Variants in CCDC39 observed in about 807,000 individuals in gnomAD.
CCDC39 encodes the protein coiled-coil domain 39 molecular ruler complex subunit.
Under a neutral mutation model 121.0 loss-of-function variants are expected in CCDC39, and 113 were observed. The ratio of observed to expected loss-of-function variants is 0.93; its 90% confidence interval spans 0.80 to 1.09. The LOEUF (loss-of-function observed/expected upper bound fraction) is 1.09. Ranked by LOEUF, CCDC39 falls within the 50% of genes least tolerant of loss-of-function variation. The pLI, the probability that CCDC39 is intolerant of heterozygous loss-of-function variation, is 0.00. For synonymous variants in CCDC39, 349 were observed against 352.2 expected, an observed-to-expected ratio of 0.99 and a Z score of 0.10; for missense variants, 1,063 against 1,074.7, an observed-to-expected ratio of 0.99 and a Z score of 0.15.
chr3:180,660,189 A>C (rs2108429232), intron 4 of CCDC39, among the ~76,000 whole-genome samples: 1 of 152,246 alleles, frequency 6.6e-6, no homozygotes, highest in African/African-American at 2.4e-5. Context: ...AATCAGCAAA[A>C]ACTACATGTA....
At chr3:180,644,064 C>T (rs1718017372) in intron 12 of CCDC39, 56 bp downstream of exon 12, 2 of 1,316,256 alleles carry the variant, frequency 1.5e-6, no homozygotes, top group Non-Finnish European at 1.0e-6. Flanking sequence ...CATTTGTCTA[C>T]AATTAACATG....
At chr3:180,677,523 A>G (rs900238928) in intron 1 of CCDC39, among the ~76,000 whole-genome samples, 11 of 151,970 alleles carry the variant, frequency 7.2e-5, no homozygotes, top group African/African-American at 2.7e-4. Flanking sequence ...AGAGACATTC[A>G]GTAATCTATA....
rs955445312 is a variant in CCDC39 at position 180,652,196 on chromosome 3, T to G, written c.1001A>C (p.Lys334Thr). 1 of 1,534,484 alleles carries G rather than the reference T, an allele frequency of 6.5e-7. No individual in the cohort carries two copies. Among genetic ancestry groups the G allele is most frequent in the Non-Finnish European group, 8.8e-7 (1 of 1,140,210 alleles). ...DLEALRKNIS[K>T]IKKDIHEETA... ...TTCTTCATGAATGTCCTTCTTTATCTTGGAAATATTTTTCCTCAGAGCTTC... is the reference window on the plus strand; with the variant it reads ...TTCTTCATGAATGTCCTTCTTTATCGTGGAAATATTTTTCCTCAGAGCTTC... The change falls in exon 8 of 20, where the codon AAG (lysine) becomes ACG (threonine). Residue 334 changes from lysine to threonine, a missense_variant. Coordinates refer to ENST00000476379, the MANE Select transcript of CCDC39 (RefSeq NM_181426.2).
chr3:180,659,766 G>A lies in CCDC39; in HGVS notation c.520C>T (p.Leu174=), dbSNP rs1711696223. Residue 174 remains leucine, a synonymous_variant, in exon 5 of 20, where the codon CTG becomes TTG. Coordinates refer to ENST00000476379, the MANE Select transcript of CCDC39 (RefSeq NM_181426.2). ...GTTAGTCTTTCTAATTGCAGAGTCAGTGCCTATGATGTAATTATATACAGA... is the reference window on the plus strand; with the variant it reads ...GTTAGTCTTTCTAATTGCAGAGTCAATGCCTATGATGTAATTATATACAGA... ...AQQDDNKIRA[L]TLQLERLTLE... is the part of the protein sequence containing the mutation. 1 of 1,601,196 alleles carries A rather than the reference G, an allele frequency of 6.2e-7. No homozygotes were observed. Among genetic ancestry groups the A allele is most frequent in the Non-Finnish European group, 8.5e-7 (1 of 1,170,646 alleles).
rs1718124621 is a variant in CCDC39 at position 180,648,451 on chromosome 3, T to C, written c.1168-92A>G. On this transcript the variant is annotated intron_variant, in intron 9 of 19. Coordinates refer to ENST00000476379, the MANE Select transcript of CCDC39 (RefSeq NM_181426.2). The stretch of plus-strand genomic sequence containing the variant: ...AATAATTTAGAAACTCAAATAAATT[T>C]GAACCCTCCACTATTTTAGCCCTTT... 5.5e-6 allele frequency: 5 copies of C among 900,972 alleles called. No homozygotes were observed. The South Asian group carries it at 6.7e-5, about 12-fold the overall frequency. 55.8% of individuals were successfully genotyped at this position (900,972 alleles called of 1,614,324 possible). A position where few individuals can be genotyped will look rare whatever the true frequency, so the allele number is the denominator to read the frequency against.
chr3:180,632,408 C>G (rs1717722199), intron 13 of CCDC39, among the ~76,000 whole-genome samples: 1 of 152,060 alleles, frequency 6.6e-6, no homozygotes, highest in African/African-American at 2.4e-5. Flanking sequence ...AGCTCTCTAA[C>G]CATGGTGAAA....
chr3:180,675,299 T>A (rs902219313), intron 1 of CCDC39, among the ~76,000 whole-genome samples: 1 of 152,184 alleles, frequency 6.6e-6, no homozygotes, highest in African/African-American at 2.4e-5. Context: ...TGATGGTAGT[T>A]TATATTTCCA....
intron 1 of CCDC39, among the ~76,000 whole-genome samples, chr3:180,671,387 C>T (rs1712043960): frequency 6.6e-6 from 1 of 152,046 alleles, no homozygotes; most frequent in Admixed American, 6.6e-5. Context: ...CTCTGGGCAC[C>T]TGTTTTCAAG....
chr3:180,670,111 C>A (rs73885317), intron 1 of CCDC39, among the ~76,000 whole-genome samples: 3,390 of 152,020 alleles, frequency 0.022, 131 homozygotes, highest in African/African-American at 0.078. Flanking sequence ...AAAACATGTT[C>A]TAATGCAGAG....
chr3:180,659,546 T>G lies in CCDC39; in HGVS notation c.644A>C (p.Lys215Thr), dbSNP rs376300013. The G allele has an allele frequency of 3.6e-5, 58 of 1,613,278 alleles. 1 individual carries two copies. The African/African-American group carries it at 6.8e-4, about 19-fold the overall frequency. Residue 215 changes from lysine (K) to threonine (T), a missense_variant, in exon 6 of 20, where the codon AAG (lysine) becomes ACG (threonine). Coordinates refer to ENST00000476379, the MANE Select transcript of CCDC39 (RefSeq NM_181426.2). ...GAGTTCTTGTCTTTCATTATGAATC[T>G]TACGAAAATCTTGTGCTGCTTTATC... is the stretch of plus-strand genomic sequence containing the variant. ...ELDKAAQDFR[K>T]IHNERQELIK... is the part of the protein sequence containing the mutation.
intron 1 of CCDC39, among the ~76,000 whole-genome samples, chr3:180,674,720 G>T (rs1329630345): frequency 6.6e-6 from 1 of 152,130 alleles, no homozygotes; most frequent in Non-Finnish European, 1.5e-5. Flanking sequence ...GGCCTTTTCT[G>T]CATCTATTGA....
chr3:180,660,874 C>T (rs1334277386), intron 3 of CCDC39, 146 bp from the exon 4 acceptor site: 10 of 561,486 alleles, frequency 1.8e-5, no homozygotes, highest in Non-Finnish European at 2.7e-5. Context: ...TATAATATGC[C>T]ATATTTTAAT....
rs946002768 is a variant in CCDC39, at chr3:180,614,657, G to C, written c.*264C>G. ...GAAGCAAACTATTTTCTAACACTACGAACATCAGAATTACAGTGAAATACA... is the reference window on the plus strand; with the variant it reads ...GAAGCAAACTATTTTCTAACACTACCAACATCAGAATTACAGTGAAATACA... On this transcript the variant is annotated 3_prime_UTR_variant, in exon 20 of 20. Transcript: ENST00000476379. The C allele has an allele frequency of 6.0e-6, 2 of 333,264 alleles. No individual in the cohort carries two copies. Among genetic ancestry groups the C allele is most frequent in the African/African-American group, 4.4e-5 (2 of 45,870 alleles). 20.6% of individuals were successfully genotyped at this position (333,264 alleles called of 1,614,324 possible).
intron 8 of CCDC39, among the ~76,000 whole-genome samples, 168 bp from the exon 9 acceptor site, chr3:180,651,701 G>T (rs1045467386): frequency 6.6e-6 from 1 of 152,112 alleles, no homozygotes; most frequent in African/African-American, 2.4e-5. Context: ...TGGCTTCTGA[G>T]TCTTTGTGAT....
At position 180,614,859 on chromosome 3, in the gene CCDC39, T is replaced by G; in HGVS notation, c.*62A>C. On this transcript the variant is annotated 3_prime_UTR_variant, in exon 20 of 20. Transcript: ENST00000476379. ...ACTAGATAAAATGTGTTGGGTCGTT[T>G]TGTATTTTAAAGTATATTTTTGTTT... The G allele has an allele frequency of 1.4e-6, 2 of 1,450,884 alleles. No homozygotes were observed. The highest frequency in any genetic ancestry group is 1.9e-6 in the Non-Finnish European group (2 of 1,071,068). The allele number at this position is 1,450,884 out of a possible 1,614,324, so 89.9% of individuals were successfully genotyped here.
chr3:180,670,954 G>C (rs1191558882), intron 1 of CCDC39, among the ~76,000 whole-genome samples: 1 of 152,118 alleles, frequency 6.6e-6, no homozygotes, highest in African/African-American at 2.4e-5. Context: ...GCTCACACCT[G>C]TAATCCCAAC....
At chr3:180,678,766 A>G (rs532748777) in intron 1 of CCDC39, among the ~76,000 whole-genome samples, 1 of 152,064 alleles carries the variant, frequency 6.6e-6, no homozygotes, top group South Asian at 2.1e-4. Flanking sequence ...TCTTTGAAAA[A>G]CTGTAAACCG....
At position 180,616,710 on chromosome 3, in the gene CCDC39, T is replaced by C. The variant is rs922349232; in HGVS notation, c.2407-15A>G. ...AGTTTTGCACACTGTTGGTAAATAA[T>C]AGTCAATTATTCTATAAACGTGTTT... On this transcript the variant is annotated splice_polypyrimidine_tract_variant and intron_variant, in intron 17 of 19. Transcript: ENST00000476379. 5.1e-6 allele frequency: 8 copies of C among 1,580,940 alleles called. No homozygotes were observed. The highest frequency in any genetic ancestry group is 1.2e-5 in the South Asian group (1 of 86,842).
rs71182539 is a variant in CCDC39 at position 180,663,669 on chromosome 3, CA to C, written c.210+197del. Among the ~76,000 whole-genome samples the C allele has an allele frequency of 0.04, 4,688 of 117,990 alleles. 240 individuals are homozygous for C. Among genetic ancestry groups the C allele is most frequent in the African/African-American group, 0.13 (4,231 of 33,194 alleles). The allele number at this position is 117,990 out of a possible 152,430, so 77.4% of individuals were successfully genotyped here. ...TAGGAAACAGAGCGAGACTTCATCT[CA>C]AAAAAAAAAAAAAAATTGGACCAGT... On this transcript the variant is annotated intron_variant, in intron 2 of 19. Coordinates refer to ENST00000476379, the MANE Select transcript of CCDC39 (RefSeq NM_181426.2).
Sources: allele counts gnomAD v4.1 joint callset (sites outside exome capture counted in the v4.1 genomes callset), GRCh38; gene constraint gnomAD v4.1.1; transcripts MANE v1.5; gene names NCBI Gene and HGNC (gene_info 2026-07-23, HGNC 2026-07-21).